Variants in ASPM observed in about 807,000 individuals in gnomAD.
ASPM encodes the protein abnormal spindle-like microcephaly-associated protein.
In ASPM, 256 loss-of-function variants were observed where a neutral mutation model predicts 366.4. The observed-to-expected ratio is 0.70, with a 90% CI of 0.63 to 0.77. ASPM has a LOEUF of 0.77. Ranked by LOEUF, ASPM falls within the 30% of genes least tolerant of loss-of-function variation. The pLI, the probability that ASPM is intolerant of heterozygous loss-of-function variation, is 0.00. For synonymous variants in ASPM, 1,414 were observed against 1,342.9 expected, an observed-to-expected ratio of 1.05 and a Z score of -1.16; for missense variants, 4,146 against 4,090.4, an observed-to-expected ratio of 1.01 and a Z score of -0.37.
Position 197,142,752 on chromosome 1 carries a change from C to A in ASPM, c.1500G>T (p.Arg500Ser), listed in dbSNP as rs1490805088. The A allele has an allele frequency of 6.2e-7, 1 of 1,613,834 alleles. No homozygotes were observed. The highest frequency in any genetic ancestry group is 1.3e-5 in the African/African-American group (1 of 75,006). The part of the protein sequence containing the change: ...RPILSATVTK[R>S]KATCTRENQT... ...GGTTTTCTCTGGTACAGGTGGCCTT[C>A]CTTTTAGTAACAGTGGCAGAAAGTA... Residue 500 changes from arginine (R) to serine (S), a missense_variant, in exon 3 of 28, where the codon AGG becomes AGT. Around this residue, in one of 3 missense-constraint regions of ASPM, gnomAD observed 3,624 missense variants for 3,591.7 expected, o/e 1.01. Coordinates refer to ENST00000367409, the MANE Select transcript of ASPM (RefSeq NM_018136.5).
In ASPM at chr1:197,100,666, G is replaced by C; in HGVS notation, c.8585C>G (p.Ala2862Gly). 1 of 1,612,262 alleles carries C rather than the reference G, an allele frequency of 6.2e-7. No individual in the cohort carries two copies. The highest frequency in any genetic ancestry group is 8.5e-7 in the Non-Finnish European group (1 of 1,178,948). Residue 2862 changes from alanine to glycine, a missense_variant, in exon 18 of 28, where the codon GCT (alanine) becomes GGT (glycine). Physicochemically the swap from Ala to Gly is moderately conservative, Grantham distance 60 (BLOSUM62 0). Around this residue, in one of 3 missense-constraint regions of ASPM, gnomAD observed 3,624 missense variants for 3,591.7 expected, o/e 1.01. Transcript: ENST00000367409. Reference protein sequence around the residue: ...YRRRFVQQKRAAITLQHYFRT... With the variant: ...YRRRFVQQKRGAITLQHYFRT... ...AAAATAATGCTGTAAAGTGATAGCA[G>C]CTCTTTTCTGCTGAACAAATCTTCT...
At chr1:197,116,459 T>C (rs1657739909) in intron 17 of ASPM, among the ~76,000 whole-genome samples, 1 of 152,146 alleles carries the variant, frequency 6.6e-6, no homozygotes, top group Non-Finnish European at 1.5e-5. Flanking sequence ...GCATATCCTG[T>C]TGGAAAAAGT....
At position 197,105,011 on chromosome 1, in the gene ASPM, G is replaced by C. The variant is rs1657365193; in HGVS notation, c.4240C>G (p.Gln1414Glu). The change falls in exon 18 of 28, where the codon CAA (glutamine) becomes GAA (glutamate). Residue 1414 changes from glutamine to glutamate, a missense_variant. Around this residue, in one of 3 missense-constraint regions of ASPM, gnomAD observed 3,624 missense variants for 3,591.7 expected, o/e 1.01. Coordinates refer to ENST00000367409, the MANE Select transcript of ASPM (RefSeq NM_018136.5). ...WRAYLRRKQD[Q>E]QRYEMLKSST... ...GATTTTAGCATTTCATATCTTTGTT[G>C]ATCTTGTTTTCTTCTTAAATAAGCA... 6.2e-7 allele frequency: 1 copy of C among 1,610,500 alleles called. No homozygotes were observed. Among genetic ancestry groups the C allele is most frequent in the Non-Finnish European group, 8.5e-7 (1 of 1,178,302 alleles).
chr1:197,108,272 G>T (rs1657472147), intron 17 of ASPM, among the ~76,000 whole-genome samples: 1 of 151,802 alleles, frequency 6.6e-6, no homozygotes. Flanking sequence ...GTATTTAGAA[G>T]AAAATTTATA....
At chr1:197,109,440 A>T (rs1399072289) in intron 17 of ASPM, among the ~76,000 whole-genome samples, 1 of 152,156 alleles carries the variant, frequency 6.6e-6, no homozygotes. Flanking sequence ...ATTTAATGAA[A>T]CCCAAATCTA....
rs1468257810 is a variant in ASPM at position 197,117,925 on chromosome 1, T to C, written c.3929A>G (p.Gln1310Arg). Residue 1310 changes from glutamine to arginine, a missense_variant, in exon 17 of 28, where the codon CAA (glutamine) becomes CGA (arginine). Transcript: ENST00000367409. ...TGCATTAACTCTTTTTCTCAATCTT[T>C]GTTTTGCTAGAAAATTGATTACAGC... is the stretch of plus-strand genomic sequence containing the variant. ...QLAVINFLAKQRLRKRVNAAL... is the reference protein window; with the variant it reads ...QLAVINFLAKRRLRKRVNAAL... 1 of 1,613,686 alleles carries C rather than the reference T, an allele frequency of 6.2e-7. No individual in the cohort carries two copies. Among genetic ancestry groups the C allele is most frequent in the Non-Finnish European group, 8.5e-7 (1 of 1,179,744 alleles).
chr1:197,095,775 TTA>T (rs1303587968), intron 19 of ASPM, among the ~76,000 whole-genome samples: 1 of 151,764 alleles, frequency 6.6e-6, no homozygotes, highest in Non-Finnish European at 1.5e-5. Context: ...TATAATATTT[TTA>T]GATTATATTA....
rs779018406 is a variant in ASPM at position 197,133,392 on chromosome 1, G to A, written c.2377C>T (p.Arg793Trp). The A allele has an allele frequency of 1.2e-5, 19 of 1,613,646 alleles. 1 individual carries two copies. The highest frequency in any genetic ancestry group is 3.3e-5 in the Admixed American group (2 of 59,960). The change falls in exon 6 of 28, where the codon CGG becomes TGG. Residue 793 changes from arginine to tryptophan, a missense_variant. Transcript: ENST00000367409. ...KKLEIEIEAR[R>W]LIVRKDRHLW... is the part of the protein sequence containing the mutation. ...TGTCTATCTTTTCGAACAATTAACCGCCTAGCTTCAATTTCAATTTCAAGC... is the reference window on the plus strand; with the variant it reads ...TGTCTATCTTTTCGAACAATTAACCACCTAGCTTCAATTTCAATTTCAAGC...
intron 5 of ASPM, 125 bp downstream of exon 5, chr1:197,134,971 G>T: frequency 1.3e-6 from 1 of 794,458 alleles, no homozygotes; most frequent in Non-Finnish European, 2.0e-6. Context: ...AAGCATTTAG[G>T]CTAATGAACA....
intron 17 of ASPM, among the ~76,000 whole-genome samples, chr1:197,116,162 T>C (rs1307091475): frequency 2.6e-5 from 4 of 152,210 alleles, no homozygotes; most frequent in Non-Finnish European, 5.9e-5. Flanking sequence ...TTTTATGTTA[T>C]GGGAACAGCT....
Position 197,133,477 on chromosome 1 carries a change from T to C in ASPM, c.2292A>G (p.Arg764=). 1 of 1,614,130 alleles carries C rather than the reference T, an allele frequency of 6.2e-7. No individual in the cohort carries two copies. The highest frequency in any genetic ancestry group is 8.5e-7 in the Non-Finnish European group (1 of 1,179,992). ...RAYTARCRLN[R]LRRAACRLFT... Reference sequence around the variant, plus strand: ...ACAAACGGCATGCTGCACGACGTAGTCTGTTTAACCTACACCGAGCAGTAT... The same window carrying C: ...ACAAACGGCATGCTGCACGACGTAGCCTGTTTAACCTACACCGAGCAGTAT... Residue 764 remains arginine, a synonymous_variant, in exon 6 of 28, where the codon AGA becomes AGG. Coordinates refer to ENST00000367409, the MANE Select transcript of ASPM (RefSeq NM_018136.5).
intron 7 of ASPM, among the ~76,000 whole-genome samples, chr1:197,131,200 G>T (rs1306104324): frequency 6.6e-6 from 1 of 152,096 alleles, no homozygotes. Flanking sequence ...ATAAAAGCCA[G>T]ATTATTACAA....
At chr1:197,107,005 G>C (rs1210630674) in intron 17 of ASPM, among the ~76,000 whole-genome samples, 3 of 151,990 alleles carry the variant, frequency 2.0e-5, no homozygotes, top group African/African-American at 7.2e-5. Flanking sequence ...TCATACAAAA[G>C]AGTTTCTCTG....
At position 197,103,335 on chromosome 1, in the gene ASPM, T is replaced by C. The variant is rs760247132; in HGVS notation, c.5916A>G (p.Lys1972=). Residue 1972 remains lysine (K), a synonymous_variant, in exon 18 of 28, where the codon AAA becomes AAG. Transcript: ENST00000367409. ...AGTATGACTGTATGATGATAGCACA[T>C]TTATGTTGCCTTTGAAGCTGTCTTC... ...TLRRQLQRQH[K]CAIIIQSYYR... 15 of 1,613,240 alleles carry C rather than the reference T, an allele frequency of 9.3e-6. No individual in the cohort carries two copies. The highest frequency in any genetic ancestry group is 1.2e-5 in the Non-Finnish European group (14 of 1,179,472).
intron 18 of ASPM, among the ~76,000 whole-genome samples, chr1:197,098,260 T>C (rs1657044393): frequency 6.6e-6 from 1 of 151,288 alleles, no homozygotes; most frequent in Non-Finnish European, 1.5e-5. Flanking sequence ...TATATCCCAG[T>C]GGCTCCCAAA....
chr1:197,093,405 G>GCTTC, intron 20 of ASPM, 144 bp from the exon 21 acceptor site: 3 of 788,756 alleles, frequency 3.8e-6, no homozygotes, highest in Non-Finnish European at 6.3e-6. Flanking sequence ...ATGAAATGAT[G>GCTTC]ATGAAGCATT....
chr1:197,088,484 A>C, intron 25 of ASPM, 52 bp from the exon 26 acceptor site: 1 of 1,517,274 alleles, frequency 6.6e-7, no homozygotes, highest in South Asian at 1.2e-5. Flanking sequence ...ATACATTTAC[A>C]AACAACCCAA....
Position 197,143,415 on chromosome 1 carries a change from A to C in ASPM, c.837T>G (p.Thr279=), listed in dbSNP as rs2125114493. The change falls in exon 3 of 28, where the codon ACT becomes ACG. Residue 279 remains threonine, a synonymous_variant. Transcript: ENST00000367409. The part of the protein sequence containing the change: ...VSFNEKAVTE[T]SFNSVNVNGQ... ...CATTAACATTTACGGAATTAAAGGA[A>C]GTTTCAGTTACAGCTTTCTCATTAA... 2 of 1,614,006 alleles carry C rather than the reference A, an allele frequency of 1.2e-6. No homozygotes were observed. Among genetic ancestry groups the C allele is most frequent in the South Asian group, 2.2e-5 (2 of 91,084 alleles).
At chr1:197,093,645 C>T (rs148879328) in intron 20 of ASPM, among the ~76,000 whole-genome samples, 129 of 151,896 alleles carry the variant, frequency 8.5e-4, no homozygotes, top group African/African-American at 2.8e-3. Context: ...CTTGAAAAAA[C>T]ATAGCATACC....
Sources: allele counts gnomAD v4.1 joint callset (sites outside exome capture counted in the v4.1 genomes callset), GRCh38; gene constraint gnomAD v4.1.1; regional missense constraint gnomAD v4.1.1; transcripts MANE v1.5; gene names NCBI Gene and HGNC (gene_info 2026-07-23, HGNC 2026-07-21).